The following NHSL1 variants were observed in gnomAD, a reference collection of about 807,000 sequenced individuals.
NHSL1 encodes NHS like 1, also known as NHS-like protein 1.
A neutral mutation model predicts 95.0 loss-of-function variants in NHSL1; 48 were observed. The ratio of observed to expected loss-of-function variants is 0.51; its 90% CI spans 0.40 to 0.64. The LOEUF (loss-of-function observed/expected upper bound fraction) is 0.64. Among genes scored for constraint, NHSL1 ranks in the 30% least tolerant of loss-of-function variants. The pLI is 0.00. For missense variants in NHSL1, 1,971 were observed against 2,077.7 expected, an observed-to-expected ratio of 0.95 and a Z score of 1.00; for synonymous variants, 783 against 833.9, an observed-to-expected ratio of 0.94 and a Z score of 1.05.
upstream of NHSL1, among the ~76,000 whole-genome samples, chr6:138,502,477 G>A (rs143794610): frequency 2.5e-3 from 378 of 150,412 alleles, 3 homozygotes; most frequent in South Asian, 0.018. Context: ...TGACAGTGGC[G>A]GAAAAAAAAA....
At chr6:138,537,373 A>T (rs549325727) in intron 1 of NHSL1, among the ~76,000 whole-genome samples, 2 of 152,342 alleles carry the variant, frequency 1.3e-5, no homozygotes, top group South Asian at 4.1e-4. Flanking sequence ...TATTTATACA[A>T]CTGTGTAGGT....
intron 1 of NHSL1, among the ~76,000 whole-genome samples, chr6:138,570,579 T>C (rs1783802153): frequency 6.6e-6 from 1 of 152,232 alleles, no homozygotes; most frequent in Non-Finnish European, 1.5e-5. Context: ...AGCTAGTCCC[T>C]CTTGTGCCAT....
chr6:138,641,039 A>T (rs1170256487), intron 1 of NHSL1, among the ~76,000 whole-genome samples: 1 of 152,222 alleles, frequency 6.6e-6, no homozygotes, highest in African/African-American at 2.4e-5. Flanking sequence ...CCCACCCCAA[A>T]GCCAATCTCA....
At chr6:138,490,875 G>T (rs112435084) in intron 2 of NHSL1, among the ~76,000 whole-genome samples, 1 of 152,098 alleles carries the variant, frequency 6.6e-6, no homozygotes, top group East Asian at 1.9e-4. Context: ...CTCGTGATCC[G>T]CCCGCCTTGG....
At chr6:138,489,548 C>T (rs1279250718) in intron 2 of NHSL1, among the ~76,000 whole-genome samples, 1 of 151,880 alleles carries the variant, frequency 6.6e-6, no homozygotes, top group African/African-American at 2.4e-5. Context: ...AGGTGGACAA[C>T]TTGAGCCCAG....
intron 1 of NHSL1, among the ~76,000 whole-genome samples, chr6:138,647,328 T>C (rs917871055): frequency 6.6e-6 from 1 of 152,224 alleles, no homozygotes; most frequent in African/African-American, 2.4e-5. Context: ...TTTTAAATCG[T>C]GACAATTATC....
chr6:138,507,157 T>A (rs540177880), intron 1 of NHSL1, among the ~76,000 whole-genome samples: 46 of 152,166 alleles, frequency 3.0e-4, no homozygotes, highest in Non-Finnish European at 6.0e-4. Context: ...CGGCCAGGCA[T>A]CTCCCTAATC....
chr6:138,427,295 C>A (rs2128190502), intron 7 of NHSL1, among the ~76,000 whole-genome samples: 1 of 152,200 alleles, frequency 6.6e-6, no homozygotes, highest in South Asian at 2.1e-4. Context: ...CGAAAATTAG[C>A]CGGGCATGGT....
chr6:138,552,457 G>A (rs561025497), intron 1 of NHSL1, among the ~76,000 whole-genome samples: 40 of 152,148 alleles, frequency 2.6e-4, no homozygotes, highest in Non-Finnish European at 5.4e-4. Flanking sequence ...ACCCTCCTGA[G>A]CCAGTTCTTG....
At chr6:138,517,509 T>C (rs1167732571) in intron 1 of NHSL1, among the ~76,000 whole-genome samples, 4 of 152,162 alleles carry the variant, frequency 2.6e-5, no homozygotes, top group African/African-American at 7.2e-5. Context: ...CCACTATCAG[T>C]ATTTAGGGAA....
intron 3 of NHSL1, among the ~76,000 whole-genome samples, chr6:138,472,011 G>A (rs532119054): frequency 3.9e-5 from 6 of 151,984 alleles, no homozygotes; most frequent in Admixed American, 2.0e-4. Flanking sequence ...GTGAAACCCC[G>A]TATCTACTGA....
intron 1 of NHSL1, among the ~76,000 whole-genome samples, chr6:138,567,983 A>G (rs576231472): frequency 1.3e-5 from 2 of 152,272 alleles, no homozygotes; most frequent in East Asian, 3.9e-4. Context: ...CAATGAGAAG[A>G]CGGACACCCC....
intron 1 of NHSL1, among the ~76,000 whole-genome samples, chr6:138,679,090 T>C (rs938463094): frequency 6.6e-6 from 1 of 152,210 alleles, no homozygotes; most frequent in East Asian, 1.9e-4. Context: ...AATCCTCATC[T>C]TTCCACAAGA....
intron 3 of NHSL1, among the ~76,000 whole-genome samples, chr6:138,451,307 A>G (rs79121069): frequency 0.051 from 7,810 of 152,192 alleles, 663 homozygotes; most frequent in African/African-American, 0.18. Flanking sequence ...AGACATCCAC[A>G]CAGGTAGCCC....
At chr6:138,484,836 T>C (rs1779625908) in intron 2 of NHSL1, among the ~76,000 whole-genome samples, 1 of 152,194 alleles carries the variant, frequency 6.6e-6, no homozygotes, top group African/African-American at 2.4e-5. Flanking sequence ...GTTAGCTTTG[T>C]TTTTCATTGC....
At chr6:138,545,257 C>A (rs1440011809) in intron 1 of NHSL1, among the ~76,000 whole-genome samples, 2 of 152,118 alleles carry the variant, frequency 1.3e-5, no homozygotes, top group Non-Finnish European at 2.9e-5. Flanking sequence ...CTAACCCTTA[C>A]ATGAACAACT....
At chr6:138,437,007 C>G (rs781002464) in intron 5 of NHSL1, among the ~76,000 whole-genome samples, 1 of 152,108 alleles carries the variant, frequency 6.6e-6, no homozygotes, top group Non-Finnish European at 1.5e-5. Context: ...GGCAGTGGCT[C>G]ACACCTGTAA....
intron 1 of NHSL1, among the ~76,000 whole-genome samples, chr6:138,609,283 G>C (rs1010410604): frequency 7.2e-5 from 11 of 152,150 alleles, no homozygotes; most frequent in Admixed American, 3.9e-4. Context: ...CAAAGCTATG[G>C]AGGAATGTGG....
chr6:138,684,505 C>T (rs1258340222), intron 1 of NHSL1, among the ~76,000 whole-genome samples: 2 of 152,052 alleles, frequency 1.3e-5, no homozygotes, highest in East Asian at 1.9e-4. Context: ...ATTAGCTGGG[C>T]GTGGTGGCGT....
Sources: gnomAD v4.1 joint callset for allele counts (sites outside exome capture counted in the v4.1 genomes callset) on GRCh38, gnomAD v4.1.1 for gene constraint, MANE v1.5 for transcripts, NCBI Gene and HGNC (gene_info 2026-07-23, HGNC 2026-07-21) for gene names.